The following URB1 variants were observed in gnomAD, a reference collection of about 807,000 sequenced individuals.
URB1 encodes nucleolar pre-ribosomal-associated protein 1.
In URB1, 197 loss-of-function variants were observed where a neutral mutation model predicts 242.3. That is an observed-to-expected ratio of 0.81 (90% CI 0.72 to 0.91). The LOEUF (loss-of-function observed/expected upper bound fraction) is 0.91. Ranked by LOEUF, URB1 falls within the 40% of genes least tolerant of loss-of-function variation. URB1 has a pLI of 0.00. For synonymous variants in URB1, 1,153 were observed against 1,201.8 expected, an observed-to-expected ratio of 0.96 and a Z score of 0.84; for missense variants, 2,721 against 2,860.5, an observed-to-expected ratio of 0.95 and a Z score of 1.11.
chr21:32,341,194 C>T (rs2033024958), intron 25 of URB1, among the ~76,000 whole-genome samples: 1 of 152,160 alleles, frequency 6.6e-6, no homozygotes, highest in Admixed American at 6.5e-5. Context: ...AGAAAACTGT[C>T]AGCATGTATT....
chr21:32,359,633 C>G (rs1423840201), intron 14 of URB1, among the ~76,000 whole-genome samples, 163 bp downstream of exon 14: 1 of 152,234 alleles, frequency 6.6e-6, no homozygotes. Flanking sequence ...CCTCCTGGTT[C>G]ATGAATCAGG....
At chr21:32,353,906 C>G in intron 18 of URB1, 27 bp downstream of exon 18, 1 of 1,548,972 alleles carries the variant, frequency 6.5e-7, no homozygotes, top group Non-Finnish European at 8.7e-7. Context: ...CAGGTGCAGC[C>G]AAGACATCCT....
Position 32,392,983 on chromosome 21 carries a change from A to C in URB1, c.-73T>G. 2 of 1,416,886 alleles carry C rather than the reference A, an allele frequency of 1.4e-6. No individual in the cohort carries two copies. The allele number at this position is 1,416,886 out of a possible 1,614,324, so 87.8% of individuals were successfully genotyped here. ...CGGCAGGAGCACTGGCACAGACAGCAGACACGCGCTTCAGGCCCACATGGC... is the reference window on the plus strand; with the variant it reads ...CGGCAGGAGCACTGGCACAGACAGCCGACACGCGCTTCAGGCCCACATGGC... On this transcript the variant is annotated 5_prime_UTR_variant, in exon 1 of 39. Coordinates refer to ENST00000382751, the MANE Select transcript of URB1 (RefSeq NM_014825.3).
intron 30 of URB1, among the ~76,000 whole-genome samples, chr21:32,327,953 T>C (rs1423743792): frequency 6.6e-6 from 1 of 152,120 alleles, no homozygotes; most frequent in Non-Finnish European, 1.5e-5. Context: ...TAAATATAAA[T>C]GATGTATGCA....
At chr21:32,375,802 T>C (rs2033452989) in intron 5 of URB1, among the ~76,000 whole-genome samples, 2 of 151,918 alleles carry the variant, frequency 1.3e-5, no homozygotes, top group Non-Finnish European at 1.5e-5. Flanking sequence ...AAAAATTAGC[T>C]GGGTATGGTG....
rs1178933503 is a variant in URB1, at chr21:32,350,818, C to T, written c.2718G>A (p.Glu906=). ...AAYESQALRD[E]HIQVQLQATM... ...TGGCCTGCAGCTGCACCTGGATGTG[C>T]TCGTCCCGAAGCGCTTGGCTCTCGT... The change falls in exon 20 of 39, where the codon GAG becomes GAA. Residue 906 remains glutamate, a synonymous_variant. Transcript: ENST00000382751. 2 of 1,551,380 alleles carry T rather than the reference C, an allele frequency of 1.3e-6. No homozygotes were observed. Among genetic ancestry groups the T allele is most frequent in the South Asian group, 2.4e-5 (2 of 84,034 alleles).
chr21:32,328,515 T>A (rs1345287587), intron 30 of URB1, among the ~76,000 whole-genome samples: 1 of 152,170 alleles, frequency 6.6e-6, no homozygotes, highest in Non-Finnish European at 1.5e-5. Context: ...AGCACCAAAC[T>A]AGATACAATT....
Position 32,352,872 on chromosome 21 carries a change from C to T in URB1, c.2451G>A (p.Leu817=). 1 of 1,551,220 alleles carries T rather than the reference C, an allele frequency of 6.4e-7. No individual in the cohort carries two copies. Among genetic ancestry groups the T allele is most frequent in the Non-Finnish European group, 8.7e-7 (1 of 1,146,784 alleles). ...CCCTCTGGGTGTGGAGGAGGTCAGT[C>T]AGCACTGCCGTCAGATATGTCACAA... is the stretch of plus-strand genomic sequence containing the variant. ...ENVVTYLTAV[L]TDLLHTQRDP... The change falls in exon 19 of 39, where the codon CTG becomes CTA. Residue 817 remains leucine, a synonymous_variant. Coordinates refer to ENST00000382751, the MANE Select transcript of URB1 (RefSeq NM_014825.3).
chr21:32,311,890 C>A lies in URB1; in HGVS notation c.*3028G>T. The A allele has an allele frequency of 6.2e-7, 1 of 1,614,028 alleles. No individual in the cohort carries two copies. Among genetic ancestry groups the A allele is most frequent in the South Asian group, 1.1e-5 (1 of 91,086 alleles). On this transcript the variant is annotated 3_prime_UTR_variant, in exon 39 of 39. Transcript: ENST00000382751. Reference sequence around the variant, plus strand: ...ACCTTGCCCCTCGGGGGTTTCCAGACCCACCCCACTCTCCTCTGGGAACTG... The same window carrying A: ...ACCTTGCCCCTCGGGGGTTTCCAGAACCACCCCACTCTCCTCTGGGAACTG...
Position 32,314,262 on chromosome 21 carries a change from G to A in URB1, c.*656C>T, listed in dbSNP as rs545645991. ...CGCAATGGCACGATCTCAGCTCACT[G>A]TAGCCTCCACCTCCCAGGTTCAAGC... On this transcript the variant is annotated 3_prime_UTR_variant, in exon 39 of 39. Coordinates refer to ENST00000382751, the MANE Select transcript of URB1 (RefSeq NM_014825.3). 9 of 371,236 alleles carry A rather than the reference G, an allele frequency of 2.4e-5. No homozygotes were observed. In the Admixed American group the frequency reaches 2.7e-4, roughly 11 times the overall value. The allele number at this position is 371,236 out of a possible 1,614,324, so 23.0% of individuals were successfully genotyped here. A position where few individuals can be genotyped will look rare whatever the true frequency, so the allele number is the denominator to read the frequency against.
chr21:32,333,324 G>A lies in URB1; in HGVS notation c.4953C>T (p.Thr1651=). 1 of 1,551,796 alleles carries A rather than the reference G, an allele frequency of 6.4e-7. No homozygotes were observed. Among genetic ancestry groups the A allele is most frequent in the Non-Finnish European group, 8.7e-7 (1 of 1,146,926 alleles). ...CFLLQLFSEL[T]RPEFVVDCRK... ...AGAGAAGACTGCAGTTACCTGGCCT[G>A]GTCAGCTCACTGAAGAGCTGAAGGA... is the stretch of plus-strand genomic sequence containing the variant. The change falls in exon 30 of 39, where the codon ACC becomes ACT. Residue 1651 remains threonine, a synonymous_variant. Transcript: ENST00000382751.
intron 8 of URB1, among the ~76,000 whole-genome samples, chr21:32,370,939 G>A (rs928138465): frequency 2.6e-5 from 4 of 152,190 alleles, no homozygotes; most frequent in Non-Finnish European, 5.9e-5. Flanking sequence ...GGGACTGGAG[G>A]CCCATAATAG....
chr21:32,342,780 CTTTCCCCCAGCA>C (rs2033045854), intron 24 of URB1, among the ~76,000 whole-genome samples: 1 of 152,180 alleles, frequency 6.6e-6, no homozygotes, highest in Non-Finnish European at 1.5e-5. Context: ...TACATGTTCT[CTTTCCCCCAGCA>C]TTTCCTGCAA....
intron 30 of URB1, among the ~76,000 whole-genome samples, chr21:32,327,150 CATAT>C (rs1362859884): frequency 6.6e-6 from 1 of 151,942 alleles, no homozygotes; most frequent in Non-Finnish European, 1.5e-5. Context: ...ACAAATAAAG[CATAT>C]ATATTTATAT....
intron 31 of URB1, 88 bp from the exon 32 acceptor site, chr21:32,324,690 G>GGCT: frequency 1.0e-6 from 1 of 976,224 alleles, no homozygotes; most frequent in Non-Finnish European, 1.6e-6. Context: ...ACCAGGGCTC[G>GGCT]GCAGGGTGTG....
chr21:32,361,179 G>GAAAGAAAGAAAGAAAC, intron 12 of URB1, 56 bp from the exon 13 acceptor site: 6 of 761,964 alleles, frequency 7.9e-6, no homozygotes, highest in East Asian at 5.9e-5. Context: ...AAGAAAGAAA[G>GAAAGAAAGAAAGAAAC]AAAGAAAGAA....
chr21:32,316,503 G>T lies in URB1; in HGVS notation c.6597C>A (p.Ser2199=). 3.2e-6 allele frequency: 5 copies of T among 1,544,912 alleles called. 1 individual carries two copies. The South Asian group carries it at 4.8e-5, about 15-fold the overall frequency. Residue 2199 remains serine (S), a synonymous_variant, in exon 38 of 39, where the codon TCC becomes TCA. Coordinates refer to ENST00000382751, the MANE Select transcript of URB1 (RefSeq NM_014825.3). ...SPFHPAMEAL[S]LSSLSEKDEA... is the part of the protein sequence containing the mutation. The stretch of plus-strand genomic sequence containing the variant: ...CATCCTTCTCACTCAGAGAAGACAG[G>T]GAGAGGGCTTCCATGGCCGGGTGGA...
intron 12 of URB1, 65 bp from the exon 13 acceptor site, chr21:32,361,188 A>AAAGAAAGAAAGAAAGAAAGG (rs1160878405): frequency 1.1e-5 from 10 of 888,826 alleles, no homozygotes; most frequent in Middle Eastern, 3.6e-4. Context: ...AGAAAGAAAG[A>AAAGAAAGAAAGAAAGAAAGG]AAGAAAGAAA....
chr21:32,353,822 A>C (rs1265297832), intron 18 of URB1, 111 bp downstream of exon 18: 1 of 1,327,004 alleles, frequency 7.5e-7, no homozygotes, highest in Admixed American at 2.7e-5. Context: ...CTGACCTCCT[A>C]TTGCCCTGGA....
Sources: gnomAD v4.1 joint callset for allele counts (sites outside exome capture counted in the v4.1 genomes callset) on GRCh38, gnomAD v4.1.1 for gene constraint, MANE v1.5 for transcripts, NCBI Gene and HGNC (gene_info 2026-07-23, HGNC 2026-07-21) for gene names.